Variants in SLC4A10 observed in about 807,000 individuals in gnomAD.
SLC4A10 encodes the protein sodium-driven chloride bicarbonate exchanger.
SLC4A10 carries 42 observed loss-of-function variants against 137.7 expected under a neutral mutation model. The observed-to-expected ratio is 0.30, with a 90% CI of 0.24 to 0.39. The LOEUF is 0.39. Ranked by LOEUF, SLC4A10 falls within the 10% of genes least tolerant of loss-of-function variation. SLC4A10 has a pLI of 1.00. For missense variants in SLC4A10, 925 were observed against 1,355.0 expected (o/e 0.68, Z 4.98); for synonymous variants, 474 against 464.1 (o/e 1.02, Z -0.27).
intron 6 of SLC4A10, among the ~76,000 whole-genome samples, chr2:161,869,230 T>C (rs116708019): frequency 0.016 from 2,436 of 151,784 alleles, 67 homozygotes; most frequent in African/African-American, 0.056. Flanking sequence ...CTGTGAACCA[T>C]TATTGCCTTA....
chr2:161,848,618 C>A (rs1301642727), intron 4 of SLC4A10, among the ~76,000 whole-genome samples: 5 of 152,136 alleles, frequency 3.3e-5, no homozygotes, highest in Non-Finnish European at 7.4e-5. Context: ...GTTATCCCAG[C>A]AGCATTTATT....
chr2:161,934,174 T>C (rs1217713780), intron 15 of SLC4A10, among the ~76,000 whole-genome samples: 1 of 152,184 alleles, frequency 6.6e-6, no homozygotes, highest in African/African-American at 2.4e-5. Context: ...AATCCAATTT[T>C]GCTCTTTAAA....
At chr2:161,649,696 T>C (rs2036530504) in intron 1 of SLC4A10, among the ~76,000 whole-genome samples, 1 of 152,008 alleles carries the variant, frequency 6.6e-6, no homozygotes, top group Admixed American at 6.5e-5. Flanking sequence ...AATCTTTTCA[T>C]TTGTCAGTTT....
At chr2:161,767,384 G>A (rs1475498182) in intron 1 of SLC4A10, among the ~76,000 whole-genome samples, 1 of 150,914 alleles carries the variant, frequency 6.6e-6, no homozygotes, top group African/African-American at 2.4e-5. Context: ...TGCTATTTAT[G>A]CCATCCTCAT....
chr2:161,968,581 T>G (rs904876024), intron 23 of SLC4A10, among the ~76,000 whole-genome samples: 1 of 152,122 alleles, frequency 6.6e-6, no homozygotes, highest in Non-Finnish European at 1.5e-5. Flanking sequence ...GGTTTATAGA[T>G]CCTTAAAATC....
intron 6 of SLC4A10, among the ~76,000 whole-genome samples, chr2:161,870,942 G>A (rs1473783469): frequency 1.3e-5 from 2 of 151,700 alleles, no homozygotes; most frequent in East Asian, 3.9e-4. Flanking sequence ...AGAATATTAA[G>A]CCTATTACTT....
At chr2:161,646,838 T>C (rs1476026281) in intron 1 of SLC4A10, among the ~76,000 whole-genome samples, 1 of 152,072 alleles carries the variant, frequency 6.6e-6, no homozygotes, top group Non-Finnish European at 1.5e-5. Context: ...CTTGCTACTA[T>C]AATAGGAAAA....
At chr2:161,848,043 T>G (rs1255925720) in intron 4 of SLC4A10, among the ~76,000 whole-genome samples, 2 of 152,172 alleles carry the variant, frequency 1.3e-5, no homozygotes, top group African/African-American at 2.4e-5. Context: ...TTCTGTTATT[T>G]TTTGACTTTT....
intron 2 of SLC4A10, among the ~76,000 whole-genome samples, chr2:161,780,082 T>C (rs1029482157): frequency 2.6e-5 from 4 of 152,120 alleles, no homozygotes; most frequent in South Asian, 4.1e-4. Context: ...TTTATTTTTA[T>C]TGCCAGTGCA....
intron 2 of SLC4A10, among the ~76,000 whole-genome samples, chr2:161,774,759 A>G (rs920965186): frequency 4.6e-5 from 7 of 151,878 alleles, no homozygotes; most frequent in Admixed American, 3.9e-4. Flanking sequence ...CAATTGCACC[A>G]TAATTTCAAG....
At chr2:161,763,008 G>A (rs1236848083) in intron 1 of SLC4A10, among the ~76,000 whole-genome samples, 2 of 151,994 alleles carry the variant, frequency 1.3e-5, no homozygotes, top group African/African-American at 4.8e-5. Flanking sequence ...CTTGAGTTAT[G>A]AGAAAACTTC....
chr2:161,716,369 A>C (rs150836873), intron 1 of SLC4A10, among the ~76,000 whole-genome samples: 3 of 151,956 alleles, frequency 2.0e-5, no homozygotes, highest in Admixed American at 1.3e-4. Context: ...TTTTGTTGCA[A>C]TTGCTTTTGA....
At chr2:161,810,223 C>T (rs2056408184) in intron 3 of SLC4A10, among the ~76,000 whole-genome samples, 1 of 151,958 alleles carries the variant, frequency 6.6e-6, no homozygotes, top group Non-Finnish European at 1.5e-5. Flanking sequence ...GATTTTGTCT[C>T]CTGAAACTTT....
intron 24 of SLC4A10, among the ~76,000 whole-genome samples, chr2:161,974,940 G>A (rs1306220528): frequency 6.6e-6 from 1 of 151,976 alleles, no homozygotes; most frequent in African/African-American, 2.4e-5. Flanking sequence ...TAGTTTAAAC[G>A]GTTATCTTGT....
intron 1 of SLC4A10, among the ~76,000 whole-genome samples, chr2:161,734,396 G>A (rs2047114947): frequency 6.6e-6 from 1 of 152,084 alleles, no homozygotes; most frequent in Non-Finnish European, 1.5e-5. Flanking sequence ...TGCTGCTTTT[G>A]CATCTCTCTC....
chr2:161,845,304 G>A (rs191607903), intron 4 of SLC4A10, among the ~76,000 whole-genome samples: 11 of 152,080 alleles, frequency 7.2e-5, no homozygotes, highest in Admixed American at 7.2e-4. Context: ...TAAAGAATTG[G>A]CATCATTCTG....
At chr2:161,752,370 C>T (rs1012179502) in intron 1 of SLC4A10, among the ~76,000 whole-genome samples, 2 of 151,880 alleles carry the variant, frequency 1.3e-5, no homozygotes, top group South Asian at 4.1e-4. Flanking sequence ...ATTTAAAAAG[C>T]CTTGCCATAT....
chr2:161,977,825 G>A, intron 26 of SLC4A10, 65 bp downstream of exon 26: 1 of 1,481,650 alleles, frequency 6.7e-7, no homozygotes, highest in Non-Finnish European at 9.1e-7. Flanking sequence ...GTGTCTTCTA[G>A]AAACCTGGTC....
At chr2:161,630,919 G>C (rs780072275) in intron 1 of SLC4A10, among the ~76,000 whole-genome samples, 1 of 151,654 alleles carries the variant, frequency 6.6e-6, no homozygotes, top group African/African-American at 2.4e-5. Flanking sequence ...TAAGTAACTT[G>C]TCTCCCTTAA....
Sources: gnomAD v4.1 joint callset for allele counts (sites outside exome capture counted in the v4.1 genomes callset) on GRCh38, gnomAD v4.1.1 for gene constraint, MANE v1.5 for transcripts, NCBI Gene and HGNC (gene_info 2026-07-23, HGNC 2026-07-21) for gene names.